Variants in WWP2 observed in about 807,000 individuals in gnomAD.
WWP2 encodes the protein WW domain containing E3 ubiquitin protein ligase 2, also known as NEDD4-like E3 ubiquitin-protein ligase WWP2.
In WWP2, 57 loss-of-function variants were observed where a neutral mutation model predicts 121.0. The observed-to-expected ratio is 0.47, with a 90% confidence interval of 0.38 to 0.59. WWP2 has a LOEUF of 0.59. WWP2 is among the 20% of genes least tolerant of loss of function. The pLI, the probability that WWP2 is intolerant of heterozygous loss-of-function variation, is 0.00. For synonymous variants in WWP2, 449 were observed against 441.3 expected, an observed-to-expected ratio of 1.02 and a Z score of -0.22; for missense variants, 962 against 1,158.9, an observed-to-expected ratio of 0.83 and a Z score of 2.47.
chr16:69,879,955 G>A (rs1033208226), intron 7 of WWP2, among the ~76,000 whole-genome samples: 5 of 151,314 alleles, frequency 3.3e-5, no homozygotes, highest in Non-Finnish European at 7.4e-5. Context: ...CGGTTTTTGC[G>A]TCAATAATGT....
At chr16:69,897,342 A>G (rs1001205336) in intron 8 of WWP2, among the ~76,000 whole-genome samples, 26 of 152,172 alleles carry the variant, frequency 1.7e-4, no homozygotes, top group African/African-American at 5.3e-4. Flanking sequence ...GGCTCAAGCA[A>G]TCTGCTCCCC....
intron 8 of WWP2, among the ~76,000 whole-genome samples, chr16:69,892,482 A>G (rs1225804248): frequency 6.6e-6 from 1 of 152,138 alleles, no homozygotes; most frequent in African/African-American, 2.4e-5. Context: ...TTCCAGACCA[A>G]ATTACCATGA....
chr16:69,842,086 C>T lies in WWP2; in HGVS notation c.541C>T (p.Pro181Ser). The T allele has an allele frequency of 1.2e-6, 2 of 1,613,190 alleles. No individual in the cohort carries two copies. The highest frequency in any genetic ancestry group is 1.7e-6 in the Non-Finnish European group (2 of 1,179,680). The change falls in exon 6 of 24, where the codon CCC (proline) becomes TCC (serine). Residue 181 changes from proline (P) to serine (S), a missense_variant. Pro to Ser is a moderately conservative substitution (Grantham distance 74, BLOSUM62 -1). Around this residue, in one of 3 missense-constraint regions of WWP2, gnomAD observed 211 missense variants for 196.5 expected, o/e 1.07. Coordinates refer to ENST00000359154, the MANE Select transcript of WWP2 (RefSeq NM_001270454.2). ...TAVAPENRHQ[P>S]PSTNCFGGRS... Reference sequence around the variant, plus strand: ...AGTAGCTCCAGAGAACCGGCACCAGCCCCCCAGCACAAACTGCTTTGGTGG... The same window carrying T: ...AGTAGCTCCAGAGAACCGGCACCAGTCCCCCAGCACAAACTGCTTTGGTGG...
chr16:69,933,453 A>G (rs916154086), intron 16 of WWP2, among the ~76,000 whole-genome samples: 8 of 152,210 alleles, frequency 5.3e-5, no homozygotes, highest in African/African-American at 2.4e-5. Flanking sequence ...TGAAGGCAGC[A>G]TGGATTACAT....
At chr16:69,861,789 A>T (rs2057426817) in intron 6 of WWP2, among the ~76,000 whole-genome samples, 1 of 149,624 alleles carries the variant, frequency 6.7e-6, no homozygotes, top group South Asian at 2.1e-4. Context: ...TTATTTTTTC[A>T]TGCTTCTATT....
intron 1 of WWP2, among the ~76,000 whole-genome samples, chr16:69,779,124 T>C (rs2055608005): frequency 6.7e-6 from 1 of 150,246 alleles, no homozygotes; most frequent in Non-Finnish European, 1.5e-5. Flanking sequence ...TAATTTGTTA[T>C]ATTTTTAGTA....
intron 1 of WWP2, among the ~76,000 whole-genome samples, chr16:69,778,244 G>A (rs963014189): frequency 6.8e-6 from 1 of 147,274 alleles, no homozygotes; most frequent in South Asian, 2.1e-4. Context: ...AGTAAAGGGG[G>A]ACATTTTGAC....
At chr16:69,770,240 G>A (rs189798823) in intron 1 of WWP2, among the ~76,000 whole-genome samples, 1 of 152,156 alleles carries the variant, frequency 6.6e-6, no homozygotes, top group Admixed American at 6.5e-5. Context: ...CCAGTGGCCA[G>A]GGAAACCAGC....
chr16:69,924,908 G>A, intron 10 of WWP2: 1 of 985,666 alleles, frequency 1.0e-6, no homozygotes. Flanking sequence ...GGAGGGAGGA[G>A]GGCCGGGCCC....
At chr16:69,843,770 G>T (rs1487970795) in intron 6 of WWP2, among the ~76,000 whole-genome samples, 1 of 152,092 alleles carries the variant, frequency 6.6e-6, no homozygotes, top group Non-Finnish European at 1.5e-5. Context: ...TTGGGAGGCT[G>T]AGGTGGGAGG....
chr16:69,898,027 CTTTTTT>C lies in WWP2; in HGVS notation c.914+9789_914+9794del, dbSNP rs369977148. Reference sequence around the variant, plus strand: ...TTTTTTCTTTTTCTTTTCTTTCTTTCTTTTTTTTTTTTTTTTGAGACAGAGTCTTGC... The same window carrying C: ...TTTTTTCTTTTTCTTTTCTTTCTTTCTTTTTTTTTTGAGACAGAGTCTTGC... On this transcript the variant is annotated intron_variant, in intron 8 of 23. Transcript: ENST00000359154. Among the ~76,000 whole-genome samples, 15 of 128,136 alleles carry C rather than the reference CTTTTTT, an allele frequency of 1.2e-4. 2 individuals carry two copies. Among genetic ancestry groups the C allele is most frequent in the East Asian group, 4.7e-4 (2 of 4,298 alleles). 84.1% of individuals were successfully genotyped at this position (128,136 alleles called of 152,430 possible).
intron 16 of WWP2, chr16:69,932,954 T>C (rs767295671): frequency 4.4e-6 from 2 of 459,098 alleles, no homozygotes; most frequent in Admixed American, 4.8e-5. Context: ...GTTAACTTGC[T>C]TCTGGTCCTC....
chr16:69,932,706 A>G (rs547223190), intron 16 of WWP2, among the ~76,000 whole-genome samples: 8 of 152,326 alleles, frequency 5.3e-5, no homozygotes, highest in African/African-American at 7.2e-5. Context: ...GCTCAACTGC[A>G]TGTCACATGC....
At chr16:69,774,332 T>C (rs990077760) in intron 1 of WWP2, among the ~76,000 whole-genome samples, 1 of 152,050 alleles carries the variant, frequency 6.6e-6, no homozygotes, top group South Asian at 2.1e-4. Context: ...CATAGCTCAC[T>C]GCAGCCTAGA....
chr16:69,935,873 C>T lies in WWP2; in HGVS notation c.1863C>T (p.Phe621=). The T allele has an allele frequency of 6.2e-7, 1 of 1,613,674 alleles. No homozygotes were observed. The highest frequency in any genetic ancestry group is 1.3e-5 in the African/African-American group (1 of 75,040). The part of the protein sequence containing the change: ...FIAMALYHGK[F]IDTGFTLPFY... The stretch of plus-strand genomic sequence containing the variant: ...CCCAGGCGCTGTACCATGGAAAGTT[C>T]ATCGACACGGGCTTCACCCTCCCTT... Residue 621 remains phenylalanine, a synonymous_variant, in exon 18 of 24, where the codon TTC becomes TTT. Coordinates refer to ENST00000359154, the MANE Select transcript of WWP2 (RefSeq NM_001270454.2). This position sits in a 1 kb window ranked among gnomAD's most constrained non-coding sequence, Gnocchi z 5.2.
At chr16:69,794,935 G>A (rs1389425134) in intron 2 of WWP2, among the ~76,000 whole-genome samples, 1 of 152,114 alleles carries the variant, frequency 6.6e-6, no homozygotes, top group Non-Finnish European at 1.5e-5. Context: ...TATGTCTGGG[G>A]ACTGGGCAGT....
chr16:69,939,176 A>T (rs1461271175), intron 22 of WWP2, 53 bp downstream of exon 22: 3 of 1,567,308 alleles, frequency 1.9e-6, no homozygotes, highest in Non-Finnish European at 2.6e-6. Flanking sequence ...GACAGCTCAG[A>T]GGGAGGGGGA....
At chr16:69,795,652 T>G (rs2056020187) in intron 2 of WWP2, among the ~76,000 whole-genome samples, 2 of 123,576 alleles carry the variant, frequency 1.6e-5, no homozygotes, top group South Asian at 3.0e-4. Flanking sequence ...ATAGGAGGTT[T>G]TTTTTTTTTT....
rs1784656833 is a variant in WWP2, at chr16:69,939,872, A to G, written c.2545A>G (p.Ser849Gly). ...FNRLDLPPYK[S>G]YEQLREKLLY... is the part of the protein sequence containing the mutation. ...CCGTCTGGATCTTCCACCCTACAAG[A>G]GCTACGAACAGCTGAGAGAGAAGCT... Residue 849 changes from serine (S) to glycine (G), a missense_variant, in exon 24 of 24, where the codon AGC becomes GGC. Coordinates refer to ENST00000359154, the MANE Select transcript of WWP2 (RefSeq NM_001270454.2). The G allele has an allele frequency of 6.2e-7, 1 of 1,613,806 alleles. No individual in the cohort carries two copies. Among genetic ancestry groups the G allele is most frequent in the African/African-American group, 1.3e-5 (1 of 74,902 alleles).
Sources: allele counts gnomAD v4.1 joint callset (sites outside exome capture counted in the v4.1 genomes callset), GRCh38; gene constraint gnomAD v4.1.1; regional missense constraint gnomAD v4.1.1; non-coding constraint Gnocchi (gnomAD v3.1); transcripts MANE v1.5; gene names NCBI Gene and HGNC (gene_info 2026-07-23, HGNC 2026-07-21).